The following OVOL2 variants were observed in gnomAD, a reference collection of about 807,000 sequenced individuals.
OVOL2 encodes ovo like zinc finger 2.
Under a neutral mutation model 18.1 loss-of-function variants are expected in OVOL2, and 13 were observed. The observed-to-expected ratio is 0.72, with a 90% CI of 0.47 to 1.14. The LOEUF is 1.14. Among genes scored for constraint, OVOL2 ranks in the 50% most tolerant of loss-of-function variants. The probability of loss-of-function intolerance (pLI) is 0.00; values close to 1 mark genes in which losing one functional copy is unlikely to be tolerated. For synonymous variants in OVOL2, 166 were observed against 162.7 expected (o/e 1.02, Z -0.16); for missense variants, 335 against 383.0 (o/e 0.87, Z 1.05).
intron 3 of OVOL2, among the ~76,000 whole-genome samples, chr20:18,025,793 G>A (rs546577961): frequency 1.4e-4 from 21 of 152,222 alleles, no homozygotes; most frequent in Non-Finnish European, 2.8e-4. Context: ...CACACACCTT[G>A]GCGTCATCCC....
Position 18,057,011 on chromosome 20 carries a change from G to A in OVOL2, c.101-134C>T, listed in dbSNP as rs2122732656. On this transcript the variant is annotated intron_variant, in intron 1 of 3. Coordinates refer to ENST00000278780, the MANE Select transcript of OVOL2 (RefSeq NM_021220.4). The surrounding 1 kb of genome is among the most constrained non-coding windows in gnomAD (Gnocchi z 6.3). ...CACCTCGCCAAGTGGGCAACGTCGC[G>A]GGGGAGGCCAGTAAGCCCCGAATCG... is the stretch of plus-strand genomic sequence containing the variant. The A allele has an allele frequency of 2.9e-6, 3 of 1,036,264 alleles. No individual in the cohort carries two copies. The highest frequency in any genetic ancestry group is 4.1e-5 in the Admixed American group (1 of 24,666). 64.2% of individuals were successfully genotyped at this position (1,036,264 alleles called of 1,614,324 possible).
intron 2 of OVOL2, among the ~76,000 whole-genome samples, chr20:18,043,187 C>T (rs1353494591): frequency 6.6e-6 from 1 of 152,124 alleles, no homozygotes; most frequent in Non-Finnish European, 1.5e-5. Context: ...CATCATGGAG[C>T]CTGGTATGTT....
chr20:18,031,567 ACT>A (rs1368341521), intron 3 of OVOL2, among the ~76,000 whole-genome samples: 1 of 152,042 alleles, frequency 6.6e-6, no homozygotes, highest in Admixed American at 6.6e-5. Flanking sequence ...ACGGAGCGAG[ACT>A]CTATCTCAGA....
chr20:18,027,482 T>C (rs972890661), intron 3 of OVOL2, among the ~76,000 whole-genome samples: 1 of 150,832 alleles, frequency 6.6e-6, no homozygotes, highest in Non-Finnish European at 1.5e-5. Flanking sequence ...GAGTCGAGAT[T>C]GTGCCACTGC....
chr20:18,052,563 G>C, intron 2 of OVOL2, among the ~76,000 whole-genome samples: 1 of 152,080 alleles, frequency 6.6e-6, no homozygotes, highest in East Asian at 1.9e-4. Context: ...TGGCAGATAC[G>C]TATGACTATG....
intron 3 of OVOL2, 58 bp downstream of exon 3, chr20:18,041,476 A>G: frequency 6.4e-7 from 1 of 1,557,328 alleles, no homozygotes; most frequent in South Asian, 1.2e-5. Flanking sequence ...TGGGAAAGAA[A>G]CAGGAGCTCT....
At chr20:18,040,187 G>T (rs2036656201) in intron 3 of OVOL2, among the ~76,000 whole-genome samples, 1 of 152,160 alleles carries the variant, frequency 6.6e-6, no homozygotes, top group Admixed American at 6.5e-5. Context: ...GCCTCCTTAA[G>T]TGCAAGGATT....
chr20:18,056,574 C>A lies in OVOL2; in HGVS notation c.321+83G>T. The A allele has an allele frequency of 2.4e-6, 3 of 1,249,850 alleles. No homozygotes were observed. Among genetic ancestry groups the A allele is most frequent in the Non-Finnish European group, 1.0e-6 (1 of 995,170 alleles). 77.4% of individuals were successfully genotyped at this position (1,249,850 alleles called of 1,614,324 possible). A position where few individuals can be genotyped will look rare whatever the true frequency, so the allele number is the denominator to read the frequency against. On this transcript the variant is annotated intron_variant, in intron 2 of 3. Coordinates refer to ENST00000278780, the MANE Select transcript of OVOL2 (RefSeq NM_021220.4). The surrounding 1 kb of genome is among the most constrained non-coding windows in gnomAD (Gnocchi z 4.2). ...GCGGGTGCCGGGTTGCGCAGGCGGG[C>A]GCGGCAGGGAGGGGCGCCGGCCTCG...
chr20:18,037,894 C>T (rs1338466443), intron 3 of OVOL2, among the ~76,000 whole-genome samples: 1 of 145,272 alleles, frequency 6.9e-6, no homozygotes, highest in Non-Finnish European at 1.5e-5. Context: ...CTCCCAAATA[C>T]ATTGCTCACA....
At chr20:18,033,170 T>C (rs2036586059) in intron 3 of OVOL2, among the ~76,000 whole-genome samples, 1 of 152,140 alleles carries the variant, frequency 6.6e-6, no homozygotes, top group African/African-American at 2.4e-5. Flanking sequence ...AAAGACACCA[T>C]TGTTTTCTCT....
intron 3 of OVOL2, among the ~76,000 whole-genome samples, chr20:18,035,249 G>A (rs145822451): frequency 1.3e-3 from 200 of 152,290 alleles, no homozygotes; most frequent in African/African-American, 4.2e-3. Flanking sequence ...TCAGGAAGTC[G>A]AGACCAGTCT....
intron 2 of OVOL2, among the ~76,000 whole-genome samples, chr20:18,053,763 TCTC>T (rs10573917): frequency 0.013 from 2,039 of 151,454 alleles, 28 homozygotes; most frequent in South Asian, 0.056. Context: ...ATCCAGAGCT[TCTC>T]CTCTGCCCAG....
chr20:18,038,067 G>T (rs2036634346), intron 3 of OVOL2, among the ~76,000 whole-genome samples: 1 of 152,192 alleles, frequency 6.6e-6, no homozygotes, highest in Non-Finnish European at 1.5e-5. Flanking sequence ...CATGCAGTTA[G>T]AAACAAGGCA....
chr20:18,024,888 G>A lies in OVOL2; in HGVS notation c.576C>T (p.Ser192=). ...GCACCCCATGGATTTTCTTCAGGTG[G>A]GACTCCAGAGAGCAGCGCTGGGTGA... ...KAFTQRCSLE[S]HLKKIHGVQQ... Residue 192 remains serine, a synonymous_variant, in exon 4 of 4, where the codon TCC becomes TCT. Coordinates refer to ENST00000278780, the MANE Select transcript of OVOL2 (RefSeq NM_021220.4). 1 of 1,614,170 alleles carries A rather than the reference G, an allele frequency of 6.2e-7. No homozygotes were observed. Among genetic ancestry groups the A allele is most frequent in the Non-Finnish European group, 8.5e-7 (1 of 1,180,038 alleles).
In OVOL2 at chr20:18,030,610, G is replaced by A. The variant is rs1014215626; in HGVS notation, c.512-5658C>T. Among the ~76,000 whole-genome samples the A allele has an allele frequency of 7.2e-5, 11 of 152,282 alleles. No homozygotes were observed. In the South Asian group the frequency reaches 8.3e-4, roughly 11 times the overall value. On this transcript the variant is annotated intron_variant, in intron 3 of 3. Coordinates refer to ENST00000278780, the MANE Select transcript of OVOL2 (RefSeq NM_021220.4). ...ACCCAGCAAGGCCTGGATAGCAAACGCTAGAAGATTCCAAAGCCCTGCATC... is the reference window on the plus strand; with the variant it reads ...ACCCAGCAAGGCCTGGATAGCAAACACTAGAAGATTCCAAAGCCCTGCATC...
chr20:18,053,654 T>TCCAGCCATTGCACTCAGCTAAGA (rs2036789237), intron 2 of OVOL2, among the ~76,000 whole-genome samples: 1 of 150,652 alleles, frequency 6.6e-6, no homozygotes, highest in South Asian at 2.1e-4. Context: ...TGAGCTGAGA[T>TCCAGCCATTGCACTCAGCTAAGA]TGCGCAACTG....
intron 2 of OVOL2, among the ~76,000 whole-genome samples, chr20:18,042,128 G>A (rs907605105): frequency 1.3e-5 from 2 of 151,912 alleles, no homozygotes; most frequent in Non-Finnish European, 2.9e-5. Flanking sequence ...GGCCAGGCTG[G>A]TCTCAAACTC....
At chr20:18,029,935 G>T (rs527765094) in intron 3 of OVOL2, among the ~76,000 whole-genome samples, 1 of 152,122 alleles carries the variant, frequency 6.6e-6, no homozygotes, top group African/African-American at 2.4e-5. Flanking sequence ...AGCCATGATC[G>T]CACCACTGCA....
chr20:18,038,846 G>A (rs548391017), intron 3 of OVOL2, among the ~76,000 whole-genome samples: 1 of 152,154 alleles, frequency 6.6e-6, no homozygotes, highest in East Asian at 1.9e-4. Context: ...CAGGAGGAAA[G>A]CCCAGCTTTG....
Sources: allele counts gnomAD v4.1 joint callset (sites outside exome capture counted in the v4.1 genomes callset), GRCh38; gene constraint gnomAD v4.1.1; non-coding constraint Gnocchi (gnomAD v3.1); transcripts MANE v1.5; gene names NCBI Gene and HGNC (gene_info 2026-07-23, HGNC 2026-07-21).